Variants in TANGO6 observed in about 807,000 individuals in gnomAD.
The protein encoded by TANGO6 is transport and golgi organization 6 homolog.
A neutral mutation model predicts 114.2 loss-of-function variants in TANGO6; 90 were observed. The ratio of observed to expected loss-of-function variants is 0.79; its 90% CI spans 0.66 to 0.94. TANGO6 has a LOEUF of 0.94. TANGO6 is among the 40% of genes least tolerant of loss of function. The pLI, the probability that TANGO6 is intolerant of heterozygous loss-of-function variation, is 0.00. For synonymous variants in TANGO6, 477 were observed against 509.8 expected (o/e 0.94, Z 0.87); for missense variants, 1,274 against 1,315.3 (o/e 0.97, Z 0.49).
At chr16:69,008,432 A>G (rs1284150580) in intron 15 of TANGO6, among the ~76,000 whole-genome samples, 5 of 152,120 alleles carry the variant, frequency 3.3e-5, no homozygotes, top group African/African-American at 4.8e-5. Flanking sequence ...AGATCTTGCT[A>G]TGTTGATCAA....
At position 69,032,076 on chromosome 16, in the gene TANGO6, A is replaced by G. The variant is rs1959603092; in HGVS notation, c.2995-8232A>G. 1.3e-5 allele frequency among the ~76,000 whole-genome samples: 2 copies of G among 152,040 alleles called. 1 individual carries two copies. Among genetic ancestry groups the G allele is most frequent in the South Asian group, 4.1e-4 (2 of 4,820 alleles). Reference sequence around the variant, plus strand: ...AGTGCAGAGGCCCTGCGACAGGTGCAGGCTTCACGTGCTGGAGAACAGTAA... The same window carrying G: ...AGTGCAGAGGCCCTGCGACAGGTGCGGGCTTCACGTGCTGGAGAACAGTAA... On this transcript the variant is annotated intron_variant, in intron 16 of 17. Transcript: ENST00000261778.
At chr16:68,891,032 A>C (rs1962606918) in intron 7 of TANGO6, among the ~76,000 whole-genome samples, 1 of 147,918 alleles carries the variant, frequency 6.8e-6, no homozygotes, top group Admixed American at 6.8e-5. Context: ...CTCAAAAAAA[A>C]AAGAAAAAAA....
chr16:68,872,613 T>A (rs1042634633), intron 4 of TANGO6, among the ~76,000 whole-genome samples: 18 of 151,678 alleles, frequency 1.2e-4, no homozygotes, highest in Non-Finnish European at 2.2e-4. Flanking sequence ...GTTCTGTTGA[T>A]TTTTTTATTC....
At chr16:69,059,387 G>T (rs1439798991) in intron 17 of TANGO6, among the ~76,000 whole-genome samples, 1 of 151,264 alleles carries the variant, frequency 6.6e-6, no homozygotes, top group Admixed American at 6.6e-5. Context: ...TGCATTTTTA[G>T]TAGAGAGGGG....
chr16:68,900,650 A>G lies in TANGO6; in HGVS notation c.1490+104A>G. 3.2e-6 allele frequency: 3 copies of G among 946,564 alleles called. No individual in the cohort carries two copies. In the Admixed American group the frequency reaches 8.0e-5, roughly 25 times the overall value. 58.6% of individuals were successfully genotyped at this position (946,564 alleles called of 1,614,324 possible). A position where few individuals can be genotyped will look rare whatever the true frequency, so the allele number is the denominator to read the frequency against. On this transcript the variant is annotated intron_variant, in intron 8 of 17. Coordinates refer to ENST00000261778, the MANE Select transcript of TANGO6 (RefSeq NM_024562.2). ...TTATATTTGCCACTTTGAAATTATC[A>G]TTTCCTTTCAAAGTCAGGAAAACAC...
intron 11 of TANGO6, among the ~76,000 whole-genome samples, chr16:68,911,141 CAG>C (rs1410114932): frequency 6.6e-6 from 1 of 151,956 alleles, no homozygotes; most frequent in African/African-American, 2.4e-5. Context: ...TTTTAAGAGA[CAG>C]AGTCTCACTA....
chr16:69,025,566 G>A (rs1271869396), intron 16 of TANGO6, among the ~76,000 whole-genome samples: 1 of 152,166 alleles, frequency 6.6e-6, no homozygotes, highest in Non-Finnish European at 1.5e-5. Context: ...TGAAGGGTGG[G>A]GACCAATCAG....
chr16:68,931,382 C>T (rs1185417583), intron 14 of TANGO6, among the ~76,000 whole-genome samples: 2 of 152,174 alleles, frequency 1.3e-5, no homozygotes, highest in South Asian at 2.1e-4. Flanking sequence ...TACTACTTGG[C>T]CCAGCAATTC....
At chr16:68,884,398 A>G (rs1466154409) in intron 7 of TANGO6, among the ~76,000 whole-genome samples, 3 of 152,198 alleles carry the variant, frequency 2.0e-5, no homozygotes, top group African/African-American at 7.2e-5. Context: ...TGTCTCATGG[A>G]TAGACTTCTG....
At chr16:69,066,809 T>C (rs943794597) in intron 17 of TANGO6, among the ~76,000 whole-genome samples, 7 of 152,144 alleles carry the variant, frequency 4.6e-5, no homozygotes, top group African/African-American at 1.4e-4. Flanking sequence ...AATAACCACT[T>C]TGAGAGGCTG....
At chr16:68,890,405 G>A (rs895709850) in intron 7 of TANGO6, among the ~76,000 whole-genome samples, 2 of 152,178 alleles carry the variant, frequency 1.3e-5, no homozygotes, top group African/African-American at 4.8e-5. Flanking sequence ...GAGACTGAGA[G>A]CGACTGAAAT....
intron 1 of TANGO6, among the ~76,000 whole-genome samples, chr16:68,848,528 AAC>A (rs1961851085): frequency 7.4e-6 from 1 of 134,618 alleles, no homozygotes; most frequent in Non-Finnish European, 1.5e-5. Context: ...ATTGTAAAAA[AAC>A]AATTGAAACT....
In TANGO6 at chr16:68,919,014, A is replaced by C. The variant is rs1963050818; in HGVS notation, c.1993-71A>C. 5.3e-6 allele frequency: 8 copies of C among 1,514,750 alleles called. No homozygotes were observed. The South Asian group carries it at 8.9e-5, about 17-fold the overall frequency. The allele number at this position is 1,514,750 out of a possible 1,614,324, so 93.8% of individuals were successfully genotyped here. A position where few individuals can be genotyped will look rare whatever the true frequency, so the allele number is the denominator to read the frequency against. On this transcript the variant is annotated intron_variant, in intron 11 of 17. Transcript: ENST00000261778. ...AGATGAAGAAGATGAGGATGTAGACATAAGATGTAAGGAGAATTATGATTT... is the reference window on the plus strand; with the variant it reads ...AGATGAAGAAGATGAGGATGTAGACCTAAGATGTAAGGAGAATTATGATTT...
rs1959965239 is a variant in TANGO6 at position 69,052,344 on chromosome 16, C to G, written c.3108+11923C>G. On this transcript the variant is annotated intron_variant, in intron 17 of 17. Coordinates refer to ENST00000261778, the MANE Select transcript of TANGO6 (RefSeq NM_024562.2). ...AGTGTAGTGGCACAGTCTCAGTTCA[C>G]TGCAACCTCAGCCTCCCAGGCTTAA... 2.0e-5 allele frequency among the ~76,000 whole-genome samples: 3 copies of G among 149,954 alleles called. No individual in the cohort carries two copies. The South Asian group carries it at 6.3e-4, about 32-fold the overall frequency.
intron 14 of TANGO6, among the ~76,000 whole-genome samples, chr16:68,960,411 C>T (rs9302595): frequency 0.03 from 4,596 of 151,624 alleles, 239 homozygotes; most frequent in African/African-American, 0.11. Context: ...GATTCATTCA[C>T]AGGTATTTGA....
chr16:68,961,565 A>G (rs1421431147), intron 14 of TANGO6, among the ~76,000 whole-genome samples: 1 of 152,226 alleles, frequency 6.6e-6, no homozygotes, highest in Non-Finnish European at 1.5e-5. Context: ...GTTTGTATTT[A>G]TTAATAATAT....
chr16:69,018,764 T>C (rs535274152), intron 15 of TANGO6, among the ~76,000 whole-genome samples: 7 of 151,880 alleles, frequency 4.6e-5, no homozygotes, highest in Admixed American at 4.6e-4. Flanking sequence ...CTACTAAAAA[T>C]ATTAAAAAGA....
intron 11 of TANGO6, among the ~76,000 whole-genome samples, chr16:68,910,133 A>G (rs1962903014): frequency 6.6e-6 from 1 of 152,214 alleles, no homozygotes; most frequent in African/African-American, 2.4e-5. Flanking sequence ...GTCAATAGGC[A>G]GTTGTAAGAT....
chr16:68,922,742 C>G (rs1963112407), intron 12 of TANGO6, among the ~76,000 whole-genome samples: 1 of 152,016 alleles, frequency 6.6e-6, no homozygotes, highest in Non-Finnish European at 1.5e-5. Flanking sequence ...GCAGACCATT[C>G]CAGACCTTCT....
Sources: allele counts gnomAD v4.1 joint callset (sites outside exome capture counted in the v4.1 genomes callset), GRCh38; gene constraint gnomAD v4.1.1; transcripts MANE v1.5; gene names NCBI Gene and HGNC (gene_info 2026-07-23, HGNC 2026-07-21).